The following RGS12 variants were observed in gnomAD, a reference collection of about 807,000 sequenced individuals.
The protein encoded by RGS12 is regulator of G protein signaling 12, also known as regulator of G-protein signaling 12.
RGS12 carries 66 observed loss-of-function variants against 120.1 expected under a neutral mutation model. The observed-to-expected ratio is 0.55, with a 90% CI of 0.45 to 0.67. The LOEUF (loss-of-function observed/expected upper bound fraction) is 0.67, where lower values mean the gene tolerates loss of function less well. Ranked by LOEUF, RGS12 falls within the 30% of genes least tolerant of loss-of-function variation. RGS12 has a pLI of 0.00. For synonymous variants in RGS12, 827 were observed against 804.7 expected, an observed-to-expected ratio of 1.03 and a Z score of -0.47; for missense variants, 1,859 against 1,957.7, an observed-to-expected ratio of 0.95 and a Z score of 0.95.
chr4:3,414,940 AT>A, intron 6 of RGS12, 96 bp downstream of exon 6: 1 of 714,020 alleles, frequency 1.4e-6, no homozygotes, highest in Non-Finnish European at 2.3e-6. Flanking sequence ...TGTGAGGGGC[AT>A]GTGAGGGGTG....
At chr4:3,398,497 A>C (rs1342111219) in intron 4 of RGS12, among the ~76,000 whole-genome samples, 1 of 152,222 alleles carries the variant, frequency 6.6e-6, no homozygotes, top group East Asian at 1.9e-4. Context: ...AATAAGTGAC[A>C]AAAGTTTGAA....
Position 3,416,038 on chromosome 4 carries a change from G to C in RGS12, c.2344G>C (p.Val782Leu), listed in dbSNP as rs376665811. The change falls in exon 7 of 18, where the codon GTC becomes CTC. Residue 782 changes from valine to leucine, a missense_variant. Val to Leu is a conservative substitution (Grantham distance 32, BLOSUM62 1). Transcript: ENST00000336727. ...KFLCSKATTPVNIDSQAQLAD... is the reference protein window; with the variant it reads ...KFLCSKATTPLNIDSQAQLAD... ...TCTCTGCAGCAAAGCCACCACCCCG[G>C]TCAACATCGACAGCCAGGCCCAGCT... 6.2e-7 allele frequency: 1 copy of C among 1,613,932 alleles called. No homozygotes were observed. Among genetic ancestry groups the C allele is most frequent in the Non-Finnish European group, 8.5e-7 (1 of 1,179,984 alleles).
rs551533098 is a variant in RGS12, at chr4:3,389,977, C to G, written c.2020+3540C>G. Among the ~76,000 whole-genome samples the G allele has an allele frequency of 6.6e-6, 1 of 152,308 alleles. No individual in the cohort carries two copies. Among genetic ancestry groups the G allele is most frequent in the East Asian group, 1.9e-4 (1 of 5,178 alleles). On this transcript the variant is annotated intron_variant, in intron 4 of 17. Transcript: ENST00000336727. The surrounding 1 kb of genome is among the most constrained non-coding windows in gnomAD (Gnocchi z 5.2). ...CCCACTCTGTCCACTCAGCTGCCCC[C>G]CTACTCGTCCTCCATGCAGACCTCA... is the stretch of plus-strand genomic sequence containing the variant.
chr4:3,316,993 A>G lies in RGS12; in HGVS notation c.823A>G (p.Lys275Glu). The G allele has an allele frequency of 6.2e-7, 1 of 1,613,798 alleles. No homozygotes were observed. Residue 275 changes from lysine (K) to glutamate (E), a missense_variant, in exon 2 of 18, where the codon AAG (lysine) becomes GAG (glutamate). Coordinates refer to ENST00000336727, the MANE Select transcript of RGS12 (RefSeq NM_001394154.1). ...EQKIHSLVTM[K>E]IMHDCVQLST... is the part of the protein sequence containing the mutation. ...GAAAATCCACTCGCTGGTGACCATG[A>G]AGATCATGCACGACTGTGTGCAGCT...
intron 8 of RGS12, 145 bp downstream of exon 8, chr4:3,417,237 T>A: frequency 1.7e-5 from 22 of 1,309,678 alleles, no homozygotes; most frequent in Non-Finnish European, 2.2e-5. Flanking sequence ...AGCTGCTGTC[T>A]GGAGTCCTGT....
intron 3 of RGS12, among the ~76,000 whole-genome samples, chr4:3,362,678 G>GCT (rs1560114453): frequency 1.3e-4 from 17 of 127,474 alleles, no homozygotes; most frequent in African/African-American, 5.1e-4. Flanking sequence ...TGAGTGTGAG[G>GCT]GTGAGGGTGT....
intron 8 of RGS12, 51 bp from the exon 9 acceptor site, chr4:3,417,337 A>G (rs1722517566): frequency 1.3e-6 from 2 of 1,527,056 alleles, no homozygotes; most frequent in Admixed American, 2.1e-5. Flanking sequence ...ACTTAACGTA[A>G]TAGTAAAATA....
chr4:3,421,042 C>T (rs1722968217), intron 10 of RGS12, among the ~76,000 whole-genome samples: 1 of 152,186 alleles, frequency 6.6e-6, no homozygotes, highest in African/African-American at 2.4e-5. Context: ...TTTGTGAACT[C>T]CCACTAAGAA....
intron 1 of RGS12, among the ~76,000 whole-genome samples, chr4:3,309,195 GGTGTCTGCT>G (rs1724155209): frequency 1.8e-4 from 1 of 5,488 alleles, no homozygotes; most frequent in Admixed American, 1.6e-3. Context: ...GGGAATGGCA[GGTGTCTGCT>G]GAGGGGAACC....
chr4:3,413,868 G>A (rs1722033226), intron 4 of RGS12: 1 of 561,040 alleles, frequency 1.8e-6, no homozygotes, highest in African/African-American at 1.9e-5. Flanking sequence ...TCAAGGTTGG[G>A]GTCTGTGTTT....
chr4:3,401,571 G>A (rs1389309172), intron 4 of RGS12, among the ~76,000 whole-genome samples: 1 of 152,198 alleles, frequency 6.6e-6, no homozygotes, highest in Admixed American at 6.5e-5. Flanking sequence ...TGTGAAGTCC[G>A]AGCACGGTTT....
chr4:3,310,786 G>A (rs534101473), intron 1 of RGS12, among the ~76,000 whole-genome samples: 5 of 152,094 alleles, frequency 3.3e-5, no homozygotes, highest in South Asian at 2.1e-4. Context: ...GTGTGAGGTG[G>A]GCAGGCGCCT....
At chr4:3,409,306 G>A (rs1721484788) in intron 4 of RGS12, among the ~76,000 whole-genome samples, 1 of 152,232 alleles carries the variant, frequency 6.6e-6, no homozygotes, top group South Asian at 2.1e-4. Context: ...CAGGGGAGCC[G>A]AGCACACCAG....
In RGS12 at chr4:3,430,958, A is replaced by T. The variant is rs1724233644; in HGVS notation, c.4114+3A>T. 3.7e-6 allele frequency: 6 copies of T among 1,611,954 alleles called. No homozygotes were observed. The highest frequency in any genetic ancestry group is 1.7e-4 in the Middle Eastern group (1 of 6,032). On this transcript the variant is annotated splice_donor_region_variant and intron_variant, in intron 17 of 17. Coordinates refer to ENST00000336727, the MANE Select transcript of RGS12 (RefSeq NM_001394154.1). ...AGTGCCAGGACCTTCCAGACCAGGTACCTCCAGGTTCTGATCCCTCCACCT... is the reference window on the plus strand; with the variant it reads ...AGTGCCAGGACCTTCCAGACCAGGTTCCTCCAGGTTCTGATCCCTCCACCT...
chr4:3,354,684 C>T (rs934051043), intron 3 of RGS12, among the ~76,000 whole-genome samples: 1 of 152,124 alleles, frequency 6.6e-6, no homozygotes, highest in Non-Finnish European at 1.5e-5. Context: ...AGCTAGAAAG[C>T]GTTTTGAAAC....
Position 3,393,043 on chromosome 4 carries a change from A to C in RGS12, c.2020+6606A>C, listed in dbSNP as rs554515841. Among the ~76,000 whole-genome samples the C allele has an allele frequency of 3.9e-5, 6 of 152,350 alleles. No individual in the cohort carries two copies. In the East Asian group the frequency reaches 1.2e-3, roughly 29 times the overall value. On this transcript the variant is annotated intron_variant, in intron 4 of 17. Coordinates refer to ENST00000336727, the MANE Select transcript of RGS12 (RefSeq NM_001394154.1). ...TATTTATAAGACATGTAAAGCCCTT[A>C]GATGCCAGTGCTATCATCTCTGTCT...
chr4:3,301,511 T>G (rs1723685699), intron 1 of RGS12, among the ~76,000 whole-genome samples: 1 of 151,876 alleles, frequency 6.6e-6, no homozygotes, highest in Admixed American at 6.6e-5. Flanking sequence ...ATGAGAAAAA[T>G]TGGTTTCAGT....
Position 3,416,916 on chromosome 4 carries a change from T to C in RGS12, c.2431T>C (p.Phe811Leu). The part of the protein sequence containing the change: ...DMFKEQQLQI[F>L]NLMKFDSYTR... ...CCACCTTACATCTTCTCCCCAGATC[T>C]TCAATCTCATGAAGTTTGATAGCTA... The change falls in exon 8 of 18, where the codon TTC becomes CTC. Residue 811 changes from phenylalanine (F) to leucine (L), a missense_variant. This residue lies in a region of RGS12 where 375 missense variants were observed against 475.0 expected (regional missense o/e 0.79). Transcript: ENST00000336727. 1 of 1,597,806 alleles carries C rather than the reference T, an allele frequency of 6.3e-7. No individual in the cohort carries two copies.
intron 4 of RGS12, among the ~76,000 whole-genome samples, chr4:3,395,450 G>C (rs1438984904): frequency 6.6e-6 from 1 of 152,054 alleles, no homozygotes; most frequent in East Asian, 1.9e-4. Context: ...AGGTCTTTTG[G>C]GTGGGCATCT....
Sources: allele counts gnomAD v4.1 joint callset (sites outside exome capture counted in the v4.1 genomes callset), GRCh38; gene constraint gnomAD v4.1.1; regional missense constraint gnomAD v4.1.1; non-coding constraint Gnocchi (gnomAD v3.1); transcripts MANE v1.5; gene names NCBI Gene and HGNC (gene_info 2026-07-23, HGNC 2026-07-21).